The following CDH26 variants were observed in gnomAD, a reference collection of about 807,000 sequenced individuals.
CDH26 encodes the protein cadherin 26.
A neutral mutation model predicts 90.3 loss-of-function variants in CDH26; 83 were observed. That is an observed-to-expected ratio of 0.92 (90% CI 0.77 to 1.10). CDH26 has a LOEUF of 1.10. Among genes scored for constraint, CDH26 ranks in the 50% least tolerant of loss-of-function variants. The pLI, the probability that CDH26 is intolerant of heterozygous loss-of-function variation, is 0.00. For missense variants in CDH26, 1,013 were observed against 1,037.6 expected (o/e 0.98, Z 0.33); for synonymous variants, 397 against 396.3 (o/e 1.00, Z -0.02).
intron 14 of CDH26, 71 bp from the exon 15 acceptor site, chr20:60,001,272 C>G: frequency 6.3e-7 from 1 of 1,587,664 alleles, no homozygotes; most frequent in Non-Finnish European, 8.6e-7. Flanking sequence ...TGAGAGGTCA[C>G]GCATGCCCAC....
At chr20:59,963,557 A>T (rs1405209396) in intron 1 of CDH26, among the ~76,000 whole-genome samples, 3 of 152,182 alleles carry the variant, frequency 2.0e-5, no homozygotes, top group Non-Finnish European at 4.4e-5. Context: ...CACATGTGGC[A>T]ATTTAAGTTA....
At chr20:59,990,957 C>A (rs1015476764) in intron 9 of CDH26, among the ~76,000 whole-genome samples, 1 of 152,002 alleles carries the variant, frequency 6.6e-6, no homozygotes, top group African/African-American at 2.4e-5. Flanking sequence ...GCAACCTCCA[C>A]CTCCCAGGTT....
chr20:59,967,748 T>TCCCTTC (rs1208692671), intron 1 of CDH26, among the ~76,000 whole-genome samples: 2 of 148,284 alleles, frequency 1.3e-5, no homozygotes, highest in South Asian at 2.2e-4. Context: ...CTTCCTCCCT[T>TCCCTTC]CCCTTCCCCT....
chr20:59,994,068 T>C, intron 10 of CDH26, 182 bp from the exon 11 acceptor site: 1 of 703,762 alleles, frequency 1.4e-6, no homozygotes, highest in Non-Finnish European at 2.3e-6. Context: ...TACCCAAATA[T>C]TCTGAATGCT....
intron 17 of CDH26, among the ~76,000 whole-genome samples, chr20:60,009,330 T>C (rs1054733679): frequency 2.0e-5 from 3 of 152,124 alleles, no homozygotes; most frequent in African/African-American, 7.2e-5. Context: ...TCTGCTACAC[T>C]CTCGGGTGAA....
At chr20:59,960,250 G>A (rs1372996289) in intron 1 of CDH26, among the ~76,000 whole-genome samples, 1 of 152,174 alleles carries the variant, frequency 6.6e-6, no homozygotes, top group Non-Finnish European at 1.5e-5. Flanking sequence ...ACATAACCTT[G>A]TTAAGCCTAT....
chr20:59,974,795 C>G (rs774052385), intron 4 of CDH26, among the ~76,000 whole-genome samples: 1 of 152,188 alleles, frequency 6.6e-6, no homozygotes, highest in Non-Finnish European at 1.5e-5. Flanking sequence ...CCTTGCCTGT[C>G]ACTCTCCGTC....
chr20:60,021,172 C>G (rs1253138008), intron 7 of CDH26, among the ~76,000 whole-genome samples: 1 of 152,206 alleles, frequency 6.6e-6, no homozygotes, highest in Non-Finnish European at 1.5e-5. Flanking sequence ...AGCCATCTTG[C>G]TGATGTCACT....
At position 60,025,876 on chromosome 20, in the gene CDH26, A is replaced by G. The variant is rs368143671; in HGVS notation, c.948-5355A>G. 8.3e-4 allele frequency among the ~76,000 whole-genome samples: 126 copies of G among 152,304 alleles called. No homozygotes were observed. The South Asian group carries it at 0.025, about 31-fold the overall frequency. On this transcript the variant is annotated intron_variant, in intron 7 of 8. Transcript: ENST00000370991. ...ACACCCTTAAACCAAGAGTCTGAAAATACAATAAAGGTGATTAGGAGCTGC... is the reference window on the plus strand; with the variant it reads ...ACACCCTTAAACCAAGAGTCTGAAAGTACAATAAAGGTGATTAGGAGCTGC...
intron 14 of CDH26, among the ~76,000 whole-genome samples, chr20:60,000,883 A>G (rs2061667472): frequency 1.3e-5 from 2 of 152,238 alleles, no homozygotes; most frequent in Middle Eastern, 3.2e-3. Context: ...AATAGCGTCA[A>G]TGAGACCATT....
chr20:59,970,117 A>G lies in CDH26; in HGVS notation c.162A>G (p.Arg54=). Reference sequence around the variant, plus strand: ...ACCAGCCTCTACGGCGATCCAAGAGAAGATGGGTTATCACCACCTTGGAGC... The same window carrying G: ...ACCAGCCTCTACGGCGATCCAAGAGGAGATGGGTTATCACCACCTTGGAGC... The part of the protein sequence containing the change: ...KIYQPLRRSK[R]RWVITTLELE... The change falls in exon 3 of 18, where the codon AGA becomes AGG. Residue 54 remains arginine, a synonymous_variant. Transcript: ENST00000348616. 6.2e-7 allele frequency: 1 copy of G among 1,614,000 alleles called. No homozygotes were observed. The highest frequency in any genetic ancestry group is 8.5e-7 in the Non-Finnish European group (1 of 1,179,936).
Position 60,033,864 on chromosome 20 carries a change from C to T in CDH26, c.*188C>T, listed in dbSNP as rs746405662. The T allele has an allele frequency of 3.7e-4, 299 of 804,378 alleles. No individual in the cohort carries two copies. In the Middle Eastern group the frequency reaches 5.6e-3, roughly 15 times the overall value. 49.8% of individuals were successfully genotyped at this position (804,378 alleles called of 1,614,324 possible). A position where few individuals can be genotyped will look rare whatever the true frequency, so the allele number is the denominator to read the frequency against. The stretch of plus-strand genomic sequence containing the variant: ...TCATAAATAACTTTTCCTCTGCAAA[C>T]TGTGGATGGCAGTTCACCATGTTTC... On this transcript the variant is annotated 3_prime_UTR_variant, in exon 9 of 9. Transcript: ENST00000370991.
intron 17 of CDH26, among the ~76,000 whole-genome samples, chr20:60,009,736 G>A (rs746238174): frequency 3.9e-5 from 6 of 152,114 alleles, no homozygotes; most frequent in Non-Finnish European, 7.4e-5. Flanking sequence ...CTGAATCAGG[G>A]TGCAGACATC....
At chr20:59,974,606 T>C (rs1331705214) in intron 4 of CDH26, among the ~76,000 whole-genome samples, 2 of 152,208 alleles carry the variant, frequency 1.3e-5, no homozygotes, top group Non-Finnish European at 1.5e-5. Context: ...TGTCAGGTTT[T>C]CAGGGCCCTA....
chr20:59,979,523 A>G (rs2061368258), intron 4 of CDH26, among the ~76,000 whole-genome samples: 2 of 138,238 alleles, frequency 1.4e-5, no homozygotes. Flanking sequence ...ATCGCTGAGT[A>G]GTATCTTGCT....
At chr20:59,971,711 T>TA (rs1441468415) in intron 3 of CDH26, among the ~76,000 whole-genome samples, 1 of 152,190 alleles carries the variant, frequency 6.6e-6, no homozygotes, top group Non-Finnish European at 1.5e-5. Context: ...GAAGTATCAT[T>TA]ATATTATTTT....
intron 4 of CDH26, among the ~76,000 whole-genome samples, chr20:59,977,235 C>G (rs1189790418): frequency 6.6e-6 from 1 of 152,072 alleles, no homozygotes; most frequent in African/African-American, 2.4e-5. Context: ...AACCTTTTTA[C>G]CCCAAGCAGG....
Position 60,021,849 on chromosome 20 carries a change from T to TACACACACACACACACAC in CDH26, c.948-9350_948-9333dup, listed in dbSNP as rs757813328. ...ATTTTGAAGCCGATATCCTTATCTG[T>TACACACACACACACACAC]ACACACACACACACACACACACACA... is the stretch of plus-strand genomic sequence containing the variant. On this transcript the variant is annotated intron_variant, in intron 7 of 8. Transcript: ENST00000370991. Among the ~76,000 whole-genome samples the TACACACACACACACACAC allele has an allele frequency of 4.5e-4, 19 of 42,568 alleles. 1 individual carries two copies. The highest frequency in any genetic ancestry group is 6.7e-4 in the Non-Finnish European group (12 of 18,044). The allele number at this position is 42,568 out of a possible 152,430, so 27.9% of individuals were successfully genotyped here.
chr20:59,959,736 A>T (rs994998615), intron 1 of CDH26, among the ~76,000 whole-genome samples: 1 of 152,096 alleles, frequency 6.6e-6, no homozygotes, highest in African/African-American at 2.4e-5. Context: ...CACTTTACAT[A>T]AGATTGAGGA....
Sources: gnomAD v4.1 joint callset for allele counts (sites outside exome capture counted in the v4.1 genomes callset) on GRCh38, gnomAD v4.1.1 for gene constraint, MANE v1.5 for transcripts, NCBI Gene and HGNC (gene_info 2026-07-23, HGNC 2026-07-21) for gene names.